Variants in FCGR2A observed in about 807,000 individuals in gnomAD.
FCGR2A encodes the protein Fc gamma receptor IIa, also known as low affinity immunoglobulin gamma Fc region receptor II-a.
Under a neutral mutation model 29.3 loss-of-function variants are expected in FCGR2A, and 18 were observed. The observed-to-expected ratio is 0.62, with a 90% CI of 0.43 to 0.91. The LOEUF (loss-of-function observed/expected upper bound fraction) is 0.91, where lower values mean the gene tolerates loss of function less well. FCGR2A is among the 40% of genes least tolerant of loss of function. The pLI, the probability that FCGR2A is intolerant of heterozygous loss-of-function variation, is 0.00. For synonymous variants in FCGR2A, 126 were observed against 144.8 expected, an observed-to-expected ratio of 0.87 and a Z score of 0.93; for missense variants, 287 against 393.0, an observed-to-expected ratio of 0.73 and a Z score of 2.28.
chr1:161,521,110 G>A (rs576446673), downstream of FCGR2A, among the ~76,000 whole-genome samples: 12 of 148,782 alleles, frequency 8.1e-5, no homozygotes, highest in East Asian at 2.0e-4. Flanking sequence ...ATAACCTGTC[G>A]CCCTCCCATA....
intron 1 of FCGR2A, 189 bp from the exon 2 acceptor site, chr1:161,505,798 A>G: frequency 1.4e-6 from 1 of 724,054 alleles, no homozygotes; most frequent in Non-Finnish European, 2.5e-6. Context: ...CATGAGGAGG[A>G]ACAGGAAATG....
chr1:161,513,439 A>G (rs1675946737), intron 5 of FCGR2A: 1 of 154,210 alleles, frequency 6.5e-6, no homozygotes, highest in South Asian at 2.1e-4. Flanking sequence ...TTTTAATGCC[A>G]TGGAGTACTA....
At chr1:161,521,429 C>T (rs912739472), downstream of FCGR2A, among the ~76,000 whole-genome samples, 34 of 151,774 alleles carry the variant, frequency 2.2e-4, 1 homozygote, top group Non-Finnish European at 3.7e-4. Flanking sequence ...CATTTTAAAA[C>T]GGAGGAAGCT....
Position 161,518,326 on chromosome 1 carries a change from G to A in FCGR2A, c.*178G>A, listed in dbSNP as rs192793251. 2,008 of 931,612 alleles carry A rather than the reference G, an allele frequency of 2.2e-3. 5 individuals carry two copies. The highest frequency in any genetic ancestry group is 2.8e-3 in the Non-Finnish European group (1,787 of 631,002). The allele number at this position is 931,612 out of a possible 1,614,324, so 57.7% of individuals were successfully genotyped here. ...ACTACAAACACAAGCAAAACTTCAC[G>A]GGGTCATACTACATACAAGCATAAG... On this transcript the variant is annotated 3_prime_UTR_variant, in exon 7 of 7. Coordinates refer to ENST00000271450, the MANE Select transcript of FCGR2A (RefSeq NM_001136219.3).
intron 5 of FCGR2A, 27 bp downstream of exon 5, chr1:161,510,983 G>A (rs1264180688): frequency 1.2e-6 from 2 of 1,614,004 alleles, no homozygotes; most frequent in Admixed American, 3.3e-5. Context: ...AGTCCCTTTT[G>A]TTATCAGTTT....
At chr1:161,515,250 C>G in intron 6 of FCGR2A, among the ~76,000 whole-genome samples, 1 of 152,238 alleles carries the variant, frequency 6.6e-6, no homozygotes, top group South Asian at 2.1e-4. Context: ...AGAAAGTATT[C>G]TAAACCTATT....
At chr1:161,513,299 C>T (rs527448415) in intron 5 of FCGR2A, 16 of 142,946 alleles carry the variant, frequency 1.1e-4, no homozygotes, top group African/African-American at 4.0e-4. Flanking sequence ...CTTCCTCCCT[C>T]CCTCCTTCCC....
At position 161,507,675 on chromosome 1, in the gene FCGR2A, A is replaced by C. The variant is rs554514472; in HGVS notation, c.364+1084A>C. The stretch of plus-strand genomic sequence containing the variant: ...GTGCTTTACTGAAGGGGAATAAATA[A>C]ATATTGAGTTGACCTCAAAAGCTGC... On this transcript the variant is annotated intron_variant, in intron 3 of 6. Coordinates refer to ENST00000271450, the MANE Select transcript of FCGR2A (RefSeq NM_001136219.3). 1.5e-4 allele frequency among the ~76,000 whole-genome samples: 23 copies of C among 152,310 alleles called. No individual in the cohort carries two copies. In the South Asian group the frequency reaches 4.3e-3, roughly 29 times the overall value.
chr1:161,518,173 A>G lies in FCGR2A; in HGVS notation c.*25A>G. ...AAGAGTAACGTTATGCCATGTGGTC[A>G]TACTCTCAGCTTGCTGAGTGGATGA... On this transcript the variant is annotated 3_prime_UTR_variant, in exon 7 of 7. Transcript: ENST00000271450. 1.9e-6 allele frequency: 3 copies of G among 1,607,698 alleles called. No homozygotes were observed. The East Asian group carries it at 6.8e-5, about 36-fold the overall frequency.
At position 161,510,905 on chromosome 1, in the gene FCGR2A, A is replaced by G. The variant is rs761538495; in HGVS notation, c.691A>G (p.Ile231Val). ...AVVIATAVAA[I>V]VAAVVALIYC... ...GGTCATTGCGACTGCTGTAGCAGCC[A>G]TTGTTGCTGCTGTAGTGGCCTTGAT... The change falls in exon 5 of 7, where the codon ATT (isoleucine) becomes GTT (valine). Residue 231 changes from isoleucine to valine, a missense_variant. By Grantham distance (29) the Ile-to-Val change is conservative (BLOSUM62 3). Coordinates refer to ENST00000271450, the MANE Select transcript of FCGR2A (RefSeq NM_001136219.3). 1 of 1,614,166 alleles carries G rather than the reference A, an allele frequency of 6.2e-7. No homozygotes were observed. Among genetic ancestry groups the G allele is most frequent in the Non-Finnish European group, 8.5e-7 (1 of 1,180,016 alleles).
At chr1:161,507,229 T>A (rs1403996454) in intron 3 of FCGR2A, among the ~76,000 whole-genome samples, 1 of 122,652 alleles carries the variant, frequency 8.2e-6, no homozygotes, top group Non-Finnish European at 1.9e-5. Context: ...ATAGTATTTC[T>A]TTTTTTTTTC....
rs373917327 is a variant in FCGR2A, at chr1:161,506,442, C to T, written c.215C>T (p.Ser72Phe). The change falls in exon 3 of 7, where the codon TCC becomes TTC. Residue 72 changes from serine (S) to phenylalanine (F), a missense_variant. Physicochemically the swap from Ser to Phe is radical, Grantham distance 155 (BLOSUM62 -2). Coordinates refer to ENST00000271450, the MANE Select transcript of FCGR2A (RefSeq NM_001136219.3). ...GGGGCTCGCAGCCCTGAGAGCGACT[C>T]CATTCAGTGGTTCCACAATGGGAAT... ...CQGARSPESD[S>F]IQWFHNGNLI... is the part of the protein sequence containing the mutation. 1.2e-6 allele frequency: 2 copies of T among 1,614,198 alleles called. No individual in the cohort carries two copies. Among genetic ancestry groups the T allele is most frequent in the Non-Finnish European group, 1.7e-6 (2 of 1,180,024 alleles).
intron 1 of FCGR2A, 191 bp from the exon 2 acceptor site, chr1:161,505,796 G>A: frequency 1.4e-6 from 1 of 723,830 alleles, no homozygotes; most frequent in Non-Finnish European, 2.5e-6. Flanking sequence ...GTCATGAGGA[G>A]GAACAGGAAA....
chr1:161,515,983 A>T (rs1252179198), intron 6 of FCGR2A, among the ~76,000 whole-genome samples: 1 of 152,168 alleles, frequency 6.6e-6, no homozygotes, highest in Non-Finnish European at 1.5e-5. Flanking sequence ...ATATTTTCTC[A>T]GAAGAAAAGA....
chr1:161,522,693 G>T (rs1271224145), downstream of FCGR2A: 1 of 152,166 alleles, frequency 6.6e-6, no homozygotes, highest in Non-Finnish European at 1.5e-5. Context: ...TTATGAAATA[G>T]GTTACTTCTT....
At chr1:161,523,933 A>C (rs41297670), downstream of FCGR2A, 4 of 152,300 alleles carry the variant, frequency 2.6e-5, no homozygotes, top group South Asian at 6.2e-4. Context: ...TCAGCTAAAG[A>C]CCTGCAGTAT....
intron 4 of FCGR2A, chr1:161,510,441 C>T: frequency 2.1e-6 from 1 of 482,136 alleles, no homozygotes; most frequent in South Asian, 2.1e-5. Flanking sequence ...CCATTCACTC[C>T]AGAAAGCCTG....
Position 161,509,839 on chromosome 1 carries a change from C to A in FCGR2A, c.384C>A (p.Thr128=). The A allele has an allele frequency of 2.5e-6, 4 of 1,614,128 alleles. No individual in the cohort carries two copies. The highest frequency in any genetic ancestry group is 3.4e-6 in the Non-Finnish European group (4 of 1,180,020). Residue 128 remains threonine (T), a synonymous_variant, in exon 4 of 7, where the codon ACC becomes ACA. Coordinates refer to ENST00000271450, the MANE Select transcript of FCGR2A (RefSeq NM_001136219.3). ...TVLSEWLVLQ[T]PHLEFQEGET... ...TTTCAGAATGGCTGGTGCTCCAGAC[C>A]CCTCACCTGGAGTTCCAGGAGGGAG... is the stretch of plus-strand genomic sequence containing the variant.
chr1:161,522,499 A>C (rs1171234001), downstream of FCGR2A, among the ~76,000 whole-genome samples: 1 of 152,038 alleles, frequency 6.6e-6, no homozygotes, highest in Non-Finnish European at 1.5e-5. Context: ...AGGAGCCCAC[A>C]CAAGACAGCC....
Sources: allele counts gnomAD v4.1 joint callset (sites outside exome capture counted in the v4.1 genomes callset), GRCh38; gene constraint gnomAD v4.1.1; transcripts MANE v1.5; gene names NCBI Gene and HGNC (gene_info 2026-07-23, HGNC 2026-07-21).